Variants in MSMO1 observed in about 807,000 individuals in gnomAD.
MSMO1 encodes the protein C-4 methylsterol oxidase.
MSMO1 carries 18 observed loss-of-function variants against 30.4 expected under a neutral mutation model. The observed-to-expected ratio is 0.59, with a 90% CI of 0.41 to 0.88. MSMO1 has a LOEUF of 0.88. MSMO1 is among the 40% of genes least tolerant of loss of function. MSMO1 has a pLI of 0.00. For synonymous variants in MSMO1, 84 were observed against 107.9 expected, an observed-to-expected ratio of 0.78 and a Z score of 1.37; for missense variants, 284 against 340.5, an observed-to-expected ratio of 0.83 and a Z score of 1.31.
chr4:165,328,212 A>C (rs929256061), intron 1 of MSMO1: 2 of 152,230 alleles, frequency 1.3e-5, no homozygotes, highest in Non-Finnish European at 2.9e-5. Context: ...GAATGGGAGG[A>C]CATCACCTGT....
chr4:165,338,298 ATGTATG>A (rs1747613936), intron 3 of MSMO1, among the ~76,000 whole-genome samples: 1 of 39,300 alleles, frequency 2.5e-5, no homozygotes, highest in Non-Finnish European at 4.3e-5. Context: ...GAACAAAAAT[ATGTATG>A]TGTATATATA....
chr4:165,336,708 G>T (rs899578226), intron 2 of MSMO1, among the ~76,000 whole-genome samples: 7 of 152,180 alleles, frequency 4.6e-5, no homozygotes, highest in Non-Finnish European at 1.0e-4. Context: ...CCATTTTATT[G>T]TTGAAGAAAC....
At chr4:165,331,303 CA>C (rs1007089608) in intron 1 of MSMO1, among the ~76,000 whole-genome samples, 3 of 116,918 alleles carry the variant, frequency 2.6e-5, no homozygotes, top group African/African-American at 9.7e-5. Flanking sequence ...GACCCTGTCT[CA>C]AAAAAAAAGA....
In MSMO1 at chr4:165,329,581, A is replaced by C. The variant is rs566009917; in HGVS notation, c.-32+1817A>C. On this transcript the variant is annotated intron_variant, in intron 1 of 5. Transcript: ENST00000261507. Reference sequence around the variant, plus strand: ...GATTAGTCAAATAAACTCCAAAAAAAAAAAAAAAGGTTTATTGGATTTGGC... The same window carrying C: ...GATTAGTCAAATAAACTCCAAAAAACAAAAAAAAGGTTTATTGGATTTGGC... Among the ~76,000 whole-genome samples the C allele has an allele frequency of 8.6e-5, 13 of 151,566 alleles. No individual in the cohort carries two copies. The East Asian group carries it at 2.5e-3, about 29-fold the overall frequency.
chr4:165,332,318 C>T (rs1445185383), intron 1 of MSMO1, among the ~76,000 whole-genome samples: 3 of 152,184 alleles, frequency 2.0e-5, no homozygotes, highest in Admixed American at 6.5e-5. Flanking sequence ...CTATGTAGAG[C>T]GTATAGATCT....
At chr4:165,335,196 T>G (rs746193797) in intron 2 of MSMO1, among the ~76,000 whole-genome samples, 9 of 152,148 alleles carry the variant, frequency 5.9e-5, no homozygotes, top group Non-Finnish European at 1.2e-4. Context: ...CAACTGTATA[T>G]ATTTTGGATG....
intron 2 of MSMO1, 149 bp downstream of exon 2, chr4:165,333,774 A>T: frequency 2.2e-6 from 2 of 908,742 alleles, no homozygotes; most frequent in Non-Finnish European, 3.1e-6. Flanking sequence ...CTAGTAGAAT[A>T]CATAGAAAAG....
chr4:165,341,640 C>A, intron 5 of MSMO1, 111 bp from the exon 6 acceptor site: 1 of 950,654 alleles, frequency 1.1e-6, no homozygotes, highest in Non-Finnish European at 1.6e-6. Flanking sequence ...GTGGTCTAGG[C>A]AAAGTGGCAT....
intron 4 of MSMO1, among the ~76,000 whole-genome samples, chr4:165,339,386 G>A (rs1747653389): frequency 6.6e-6 from 1 of 152,178 alleles, no homozygotes; most frequent in Admixed American, 6.5e-5. Context: ...TTACAGGCGT[G>A]AGCCACCATG....
intron 3 of MSMO1, 114 bp downstream of exon 3, chr4:165,338,051 GTAAA>G (rs1370703569): frequency 4.1e-6 from 4 of 969,224 alleles, no homozygotes; most frequent in Non-Finnish European, 3.1e-6. Context: ...AACTTTGGAA[GTAAA>G]TAAATAGTAG....
chr4:165,341,142 T>C (rs1173713318), intron 5 of MSMO1, among the ~76,000 whole-genome samples: 1 of 152,144 alleles, frequency 6.6e-6, no homozygotes, highest in Non-Finnish European at 1.5e-5. Context: ...GGATGTCTGA[T>C]TGTAGATATG....
chr4:165,331,339 G>A (rs553150784), intron 1 of MSMO1, among the ~76,000 whole-genome samples: 1 of 151,964 alleles, frequency 6.6e-6, no homozygotes, highest in Non-Finnish European at 1.5e-5. Flanking sequence ...AGACGTGAAT[G>A]TGTTTTTAGA....
At chr4:165,339,925 G>A (rs1275340657) in intron 4 of MSMO1, among the ~76,000 whole-genome samples, 1 of 152,190 alleles carries the variant, frequency 6.6e-6, no homozygotes, top group Non-Finnish European at 1.5e-5. Flanking sequence ...CAGCAAGTTG[G>A]AAACTCAGGC....
rs1747446220 is a variant in MSMO1 at position 165,333,179 on chromosome 4, T to C, written c.-31-161T>C. Among the ~76,000 whole-genome samples, 4 of 152,250 alleles carry C rather than the reference T, an allele frequency of 2.6e-5. No homozygotes were observed. The South Asian group carries it at 8.3e-4, about 31-fold the overall frequency. On this transcript the variant is annotated intron_variant, in intron 1 of 5. Coordinates refer to ENST00000261507, the MANE Select transcript of MSMO1 (RefSeq NM_006745.5). Reference sequence around the variant, plus strand: ...ATGATATCCAGCAAATGTTTTAAAATGGTGTAAAACCATTTGTACTCCTTT... The same window carrying C: ...ATGATATCCAGCAAATGTTTTAAAACGGTGTAAAACCATTTGTACTCCTTT...
intron 2 of MSMO1, 26 bp from the exon 3 acceptor site, chr4:165,337,763 T>C: frequency 1.2e-6 from 2 of 1,610,966 alleles, no homozygotes; most frequent in African/African-American, 1.3e-5. Flanking sequence ...GAGACTAATA[T>C]TAGATATTGT....
At chr4:165,335,857 G>A (rs1426836698) in intron 2 of MSMO1, among the ~76,000 whole-genome samples, 2 of 152,136 alleles carry the variant, frequency 1.3e-5, no homozygotes, top group Non-Finnish European at 2.9e-5. Context: ...CATGCTTTGA[G>A]CATTTTTGAT....
intron 3 of MSMO1, 94 bp downstream of exon 3, chr4:165,338,031 G>A: frequency 8.3e-7 from 1 of 1,202,334 alleles, no homozygotes; most frequent in South Asian, 1.3e-5. Flanking sequence ...TTTAGTTAAT[G>A]TTTGTTCTAA....
chr4:165,331,930 C>A (rs900758963), intron 1 of MSMO1, among the ~76,000 whole-genome samples: 2 of 148,236 alleles, frequency 1.3e-5, no homozygotes, highest in African/African-American at 5.3e-5. Context: ...CCTACCCCGC[C>A]GCGCTCTGTC....
intron 1 of MSMO1, among the ~76,000 whole-genome samples, chr4:165,329,064 T>G (rs541315010): frequency 6.6e-6 from 1 of 152,154 alleles, no homozygotes; most frequent in East Asian, 1.9e-4. Flanking sequence ...GAGATAGAGA[T>G]GATGGATGTC....
Sources: allele counts gnomAD v4.1 joint callset (sites outside exome capture counted in the v4.1 genomes callset), GRCh38; gene constraint gnomAD v4.1.1; transcripts MANE v1.5; gene names NCBI Gene and HGNC (gene_info 2026-07-23, HGNC 2026-07-21).